HIVEP1: variants seen among roughly 807,000 people sequenced by gnomAD.
HIVEP1 encodes the protein HIVEP zinc finger 1.
HIVEP1 carries 36 observed loss-of-function variants against 180.0 expected under a neutral mutation model. That is an observed-to-expected ratio of 0.20 (90% CI 0.15 to 0.26). The LOEUF (loss-of-function observed/expected upper bound fraction) is 0.26, where lower values mean the gene tolerates loss of function less well. Ranked by LOEUF, HIVEP1 falls within the 10% of genes least tolerant of loss-of-function variation. The pLI, the probability that HIVEP1 is intolerant of heterozygous loss-of-function variation, is 1.00. For missense variants in HIVEP1, 3,143 were observed against 3,268.7 expected (o/e 0.96, Z 0.94); for synonymous variants, 1,239 against 1,239.0 (o/e 1.00, Z 0.00).
chr6:12,131,779 T>TAAAAAAA (rs143910763), intron 6 of HIVEP1, among the ~76,000 whole-genome samples: 18 of 90,660 alleles, frequency 2.0e-4, no homozygotes, highest in Admixed American at 5.0e-4. Context: ...GAGAAAACAG[T>TAAAAAAA]AAAAAAAAAA....
chr6:12,168,471 T>G (rs1013662642), downstream of HIVEP1, among the ~76,000 whole-genome samples: 2 of 149,134 alleles, frequency 1.3e-5, no homozygotes, highest in South Asian at 2.1e-4. Flanking sequence ...GAGAAAAGGT[T>G]TAAAGCAAGA....
chr6:12,189,607 C>A, the HIVEP1 span, among the ~76,000 whole-genome samples: 3 of 151,820 alleles, frequency 2.0e-5, no homozygotes, highest in Admixed American at 6.6e-5. Context: ...TTAACAACAA[C>A]AAAAATGTTT....
chr6:12,205,287 C>T, the HIVEP1 span, among the ~76,000 whole-genome samples: 15 of 152,146 alleles, frequency 9.9e-5, no homozygotes, highest in African/African-American at 2.9e-4. Flanking sequence ...CTGGCTAACA[C>T]GGTGAAACCC....
chr6:12,206,062 G>A, the HIVEP1 span, among the ~76,000 whole-genome samples: 1 of 152,184 alleles, frequency 6.6e-6, no homozygotes, highest in Non-Finnish European at 1.5e-5. Flanking sequence ...TCAAGTTAAC[G>A]AGGTCATTAG....
At chr6:12,184,014 TAGATAGATAGACAGACAGAC>T in the HIVEP1 span, among the ~76,000 whole-genome samples, 17 of 139,764 alleles carry the variant, frequency 1.2e-4, no homozygotes, top group South Asian at 8.7e-4. Context: ...GATAGATAGA[TAGATAGATAGACAGACAGAC>T]AGACAGACAG....
At chr6:12,032,439 G>C (rs1344570478) in intron 2 of HIVEP1, among the ~76,000 whole-genome samples, 1 of 152,096 alleles carries the variant, frequency 6.6e-6, no homozygotes, top group East Asian at 1.9e-4. Context: ...ACCGCGCCCG[G>C]CCATGATAAC....
intron 2 of HIVEP1, among the ~76,000 whole-genome samples, chr6:12,030,209 TC>T (rs1295440770): frequency 1.3e-5 from 2 of 152,202 alleles, no homozygotes; most frequent in Non-Finnish European, 2.9e-5. Context: ...CTTTCATGGT[TC>T]TTTCCATTTG....
rs780041041 is a variant in HIVEP1, at chr6:12,124,390, A to G, written c.4595A>G (p.Gln1532Arg). The change falls in exon 4 of 9, where the codon CAA becomes CGA. Residue 1532 changes from glutamine to arginine, a missense_variant. Transcript: ENST00000379388. ...CACCAGAGCACACAGCTATCTCTGCAAGTGTCTACGCAGGGTAGCAAGCCA... is the reference window on the plus strand; with the variant it reads ...CACCAGAGCACACAGCTATCTCTGCGAGTGTCTACGCAGGGTAGCAAGCCA... Reference protein sequence around the residue: ...PSHQSTQLSLQVSTQGSKPDK... With the variant: ...PSHQSTQLSLRVSTQGSKPDK... 2 of 1,614,114 alleles carry G rather than the reference A, an allele frequency of 1.2e-6. No homozygotes were observed. Among genetic ancestry groups the G allele is most frequent in the East Asian group, 4.5e-5 (2 of 44,882 alleles).
At chr6:12,204,585 T>TA in the HIVEP1 span, among the ~76,000 whole-genome samples, 2 of 152,150 alleles carry the variant, frequency 1.3e-5, no homozygotes, top group African/African-American at 2.4e-5. Flanking sequence ...GTTTCCACAC[T>TA]AAAAAAATTT....
chr6:12,120,020 T>G lies in HIVEP1; in HGVS notation c.225T>G (p.His75Gln). 1 of 1,612,980 alleles carries G rather than the reference T, an allele frequency of 6.2e-7. No homozygotes were observed. Among genetic ancestry groups the G allele is most frequent in the Non-Finnish European group, 8.5e-7 (1 of 1,179,696 alleles). ...TGAGAAATCCTCTTCAGGCAAAACA[T>G]AAACAAAATACAGAAGAGTCATCTT... ...SPLRNPLQAKHKQNTEESSFA... is the reference protein window; with the variant it reads ...SPLRNPLQAKQKQNTEESSFA... The change falls in exon 4 of 9, where the codon CAT becomes CAG. Residue 75 changes from histidine to glutamine, a missense_variant. His to Gln is a conservative substitution (Grantham distance 24). Coordinates refer to ENST00000379388, the MANE Select transcript of HIVEP1 (RefSeq NM_002114.4).
At chr6:12,096,884 C>T (rs944344740) in intron 3 of HIVEP1, among the ~76,000 whole-genome samples, 40 of 151,912 alleles carry the variant, frequency 2.6e-4, no homozygotes, top group African/African-American at 7.5e-4. Context: ...TGAAGAATGT[C>T]AATACCATAA....
the HIVEP1 span, among the ~76,000 whole-genome samples, chr6:12,209,479 C>T: frequency 6.6e-6 from 1 of 152,312 alleles, no homozygotes; most frequent in Admixed American, 6.5e-5. Flanking sequence ...CACCTCCCAG[C>T]ACCCTATATA....
At chr6:12,176,602 T>G in the HIVEP1 span, among the ~76,000 whole-genome samples, 20 of 152,258 alleles carry the variant, frequency 1.3e-4, no homozygotes, top group South Asian at 4.1e-3. Context: ...ACTCCTCCAG[T>G]TTCCCCATTT....
chr6:12,138,059 C>A (rs1267786762), intron 7 of HIVEP1, among the ~76,000 whole-genome samples: 1 of 152,188 alleles, frequency 6.6e-6, no homozygotes, highest in African/African-American at 2.4e-5. Context: ...ACTCTCCTGT[C>A]CCTCTCAGAG....
chr6:12,054,450 A>G (rs1056402640), intron 2 of HIVEP1, among the ~76,000 whole-genome samples: 1 of 151,966 alleles, frequency 6.6e-6, no homozygotes, highest in African/African-American at 2.4e-5. Flanking sequence ...CTACATATGT[A>G]TCTAGACTAT....
At chr6:12,125,920 C>T (rs1433796470) in intron 4 of HIVEP1, 50 bp downstream of exon 4, 1 of 1,097,848 alleles carries the variant, frequency 9.1e-7, no homozygotes, top group East Asian at 2.4e-5. Context: ...AAATTTGTTT[C>T]CATGTGTCTT....
At chr6:12,048,943 T>C (rs1581577347) in intron 2 of HIVEP1, among the ~76,000 whole-genome samples, 1 of 152,288 alleles carries the variant, frequency 6.6e-6, no homozygotes, top group East Asian at 1.9e-4. Context: ...TGCATTTTAA[T>C]ATGATGTTAG....
intron 3 of HIVEP1, among the ~76,000 whole-genome samples, chr6:12,117,647 C>T (rs1204982080): frequency 6.6e-6 from 1 of 152,086 alleles, no homozygotes; most frequent in Non-Finnish European, 1.5e-5. Context: ...AAAAGTTTAT[C>T]TTAAAATGTT....
chr6:12,156,439 G>A (rs1760052087), intron 7 of HIVEP1, among the ~76,000 whole-genome samples: 1 of 152,084 alleles, frequency 6.6e-6, no homozygotes, highest in Admixed American at 6.5e-5. Flanking sequence ...TCCAGTTTCA[G>A]TTTTCTGCAT....
Sources: allele counts gnomAD v4.1 joint callset (sites outside exome capture counted in the v4.1 genomes callset), GRCh38; gene constraint gnomAD v4.1.1; transcripts MANE v1.5; gene names NCBI Gene and HGNC (gene_info 2026-07-23, HGNC 2026-07-21).